Variants in HTR2C observed in about 807,000 individuals in gnomAD.
HTR2C encodes 5-hydroxytryptamine (serotonin) receptor 2C, G protein-coupled.
HTR2C carries 5 observed loss-of-function variants against 21.0 expected under a neutral mutation model. The observed-to-expected ratio is 0.24, with a 90% CI of 0.12 to 0.50. The LOEUF is 0.50. Ranked by LOEUF, HTR2C falls within the 20% of genes least tolerant of loss-of-function variation. HTR2C has a pLI of 0.98. For missense variants in HTR2C, 271 were observed against 371.2 expected (o/e 0.73, Z 2.22); for synonymous variants, 150 against 145.3 (o/e 1.03, Z -0.23).
chrX:114,770,238 G>T lies in HTR2C; in HGVS notation c.349+38631G>T, dbSNP rs1256690225. Among the ~76,000 whole-genome samples the T allele has an allele frequency of 2.7e-5, 3 of 111,611 alleles. No individual in the cohort carries two copies. The Admixed American group carries it at 2.9e-4, about 11-fold the overall frequency. On this transcript the variant is annotated intron_variant, in intron 4 of 5. Coordinates refer to ENST00000276198, the MANE Select transcript of HTR2C (RefSeq NM_000868.4). ...TGGTGTTCATTGAGCTTTTTGATGTGTAAATTAGTGTCTTCTATCAAATTT... is the reference window on the plus strand; with the variant it reads ...TGGTGTTCATTGAGCTTTTTGATGTTTAAATTAGTGTCTTCTATCAAATTT...
chrX:114,622,066 C>T (rs1413772823), intron 2 of HTR2C, among the ~76,000 whole-genome samples: 9 of 111,725 alleles, frequency 8.1e-5, no homozygotes, highest in Non-Finnish European at 1.7e-4. Flanking sequence ...TTTGTGGATG[C>T]TTTATACAAA....
At chrX:114,798,086 A>G (rs921204427) in intron 4 of HTR2C, among the ~76,000 whole-genome samples, 4 of 111,210 alleles carry the variant, frequency 3.6e-5, no homozygotes, top group Admixed American at 9.6e-5. Context: ...CATTGAGCCT[A>G]TAAGAATGAT....
intron 4 of HTR2C, among the ~76,000 whole-genome samples, chrX:114,804,670 G>A (rs2070384541): frequency 9.0e-6 from 1 of 111,597 alleles, no homozygotes; most frequent in Non-Finnish European, 1.9e-5. Flanking sequence ...TGGCAAGTAA[G>A]CTAGTCTTTT....
chrX:114,663,332 T>C (rs1227836672), intron 2 of HTR2C, among the ~76,000 whole-genome samples: 1 of 111,021 alleles, frequency 9.0e-6, no homozygotes, highest in Non-Finnish European at 1.9e-5. Context: ...ATAGGAAATA[T>C]GCATTGACCT....
intron 2 of HTR2C, among the ~76,000 whole-genome samples, chrX:114,619,896 A>G (rs1929090856): frequency 8.9e-6 from 1 of 112,218 alleles, no homozygotes; most frequent in Admixed American, 9.5e-5. Flanking sequence ...TTCGCTCAAT[A>G]TTGTATTCTT....
intron 4 of HTR2C, among the ~76,000 whole-genome samples, chrX:114,745,186 A>T (rs1556425886): frequency 8.9e-6 from 1 of 112,538 alleles, no homozygotes; most frequent in Non-Finnish European, 1.9e-5. Context: ...AAACAGGCAT[A>T]TGAGAAGGTG....
At chrX:114,794,480 C>G (rs2070268601) in intron 4 of HTR2C, among the ~76,000 whole-genome samples, 1 of 104,043 alleles carries the variant, frequency 9.6e-6, no homozygotes, top group South Asian at 4.8e-4. Flanking sequence ...CACCCATTAA[C>G]TCATCATTTA....
In HTR2C at chrX:114,908,523, C is replaced by T. The variant is rs1363719534; in HGVS notation, c.*1108C>T. 8 of 111,354 alleles carry T rather than the reference C, an allele frequency of 7.2e-5. No homozygotes were observed. Among genetic ancestry groups the T allele is most frequent in the African/African-American group, 2.6e-4 (8 of 30,553 alleles). The allele number at this position is 111,354 out of a possible 1,213,427, so 9.2% of individuals were successfully genotyped here. A position where few individuals can be genotyped will look rare whatever the true frequency, so the allele number is the denominator to read the frequency against. ...AAAAAAAAAAGTAATTAAAAAGACA[C>T]TTTTACCGAACTCGGGATTACAGAA... is the stretch of plus-strand genomic sequence containing the variant. On this transcript the variant is annotated 3_prime_UTR_variant, in exon 6 of 6. Transcript: ENST00000276198.
intron 1 of HTR2C, among the ~76,000 whole-genome samples, chrX:114,597,282 T>TA (rs1927902699): frequency 9.2e-6 from 1 of 108,221 alleles, no homozygotes; most frequent in Non-Finnish European, 1.9e-5. Flanking sequence ...CCCGACATTG[T>TA]AAAAAACACA....
At chrX:114,877,622 T>A (rs1235857311) in intron 5 of HTR2C, among the ~76,000 whole-genome samples, 2 of 111,003 alleles carry the variant, frequency 1.8e-5, no homozygotes, top group Non-Finnish European at 3.8e-5. Context: ...ATTACTACTA[T>A]TGCTGCATTT....
chrX:114,883,703 T>A (rs1556480444), intron 5 of HTR2C, among the ~76,000 whole-genome samples: 2 of 110,736 alleles, frequency 1.8e-5, no homozygotes, highest in Non-Finnish European at 3.8e-5. Context: ...ATCATGTTTT[T>A]AAAATATGTA....
chrX:114,605,852 T>G (rs999897419), intron 1 of HTR2C, among the ~76,000 whole-genome samples: 7 of 102,834 alleles, frequency 6.8e-5, no homozygotes, highest in Non-Finnish European at 1.4e-4. Flanking sequence ...GTTCTTACCT[T>G]CCAGAAAAGT....
At chrX:114,894,677 A>G (rs1183461553) in intron 5 of HTR2C, among the ~76,000 whole-genome samples, 1 of 111,234 alleles carries the variant, frequency 9.0e-6, no homozygotes, top group Non-Finnish European at 1.9e-5. Flanking sequence ...TTATATTTCA[A>G]TAAATCTACC....
chrX:114,670,009 C>T (rs144229998), intron 2 of HTR2C, among the ~76,000 whole-genome samples: 2 of 111,250 alleles, frequency 1.8e-5, no homozygotes, highest in African/African-American at 3.3e-5. Flanking sequence ...GAGGCCAAGG[C>T]GGGAGGTTCA....
At chrX:114,903,618 A>G (rs2071352459) in intron 5 of HTR2C, among the ~76,000 whole-genome samples, 1 of 112,327 alleles carries the variant, frequency 8.9e-6, no homozygotes, top group African/African-American at 3.2e-5. Flanking sequence ...TTTAGGCTCA[A>G]GAATCCCTTA....
chrX:114,819,241 T>C (rs955233628), intron 4 of HTR2C, among the ~76,000 whole-genome samples: 11 of 112,322 alleles, frequency 9.8e-5, no homozygotes, highest in Non-Finnish European at 1.9e-4. Flanking sequence ...CATTTCAATA[T>C]TGTTCTAATC....
intron 1 of HTR2C, among the ~76,000 whole-genome samples, chrX:114,599,170 A>C (rs1203589351): frequency 1.2e-5 from 1 of 83,064 alleles, no homozygotes; most frequent in African/African-American, 4.5e-5. Context: ...TAATACAAGT[A>C]TGTGAATACT....
At chrX:114,841,248 T>C (rs1461975152) in intron 4 of HTR2C, among the ~76,000 whole-genome samples, 3 of 112,312 alleles carry the variant, frequency 2.7e-5, no homozygotes, top group Non-Finnish European at 5.6e-5. Flanking sequence ...TCCAGCAGAC[T>C]AGAATATGAC....
intron 2 of HTR2C, among the ~76,000 whole-genome samples, chrX:114,724,344 C>A (rs1277123414): frequency 9.8e-5 from 10 of 102,134 alleles, no homozygotes; most frequent in Non-Finnish European, 2.0e-4. Flanking sequence ...GCAACCCCTG[C>A]CTTTTTCGTT....
Sources: allele counts gnomAD v4.1 joint callset (sites outside exome capture counted in the v4.1 genomes callset), GRCh38; gene constraint gnomAD v4.1.1; transcripts MANE v1.5; gene names NCBI Gene and HGNC (gene_info 2026-07-23, HGNC 2026-07-21).